Variants in PTPN5 observed in about 807,000 individuals in gnomAD.
PTPN5 encodes protein tyrosine phosphatase non-receptor type 5, also known as tyrosine-protein phosphatase non-receptor type 5.
In PTPN5, 29 loss-of-function variants were observed where a neutral mutation model predicts 73.9. The observed-to-expected ratio is 0.39, with a 90% CI of 0.29 to 0.54. The LOEUF is 0.54. Among genes scored for constraint, PTPN5 ranks in the 20% least tolerant of loss-of-function variants. The pLI, the probability that PTPN5 is intolerant of heterozygous loss-of-function variation, is 0.65. For missense variants in PTPN5, 652 were observed against 751.4 expected (o/e 0.87, Z 1.55); for synonymous variants, 267 against 304.7 (o/e 0.88, Z 1.29).
chr11:18,746,166 T>A (rs1241840365), intron 3 of PTPN5, among the ~76,000 whole-genome samples: 7 of 79,238 alleles, frequency 8.8e-5, no homozygotes, highest in East Asian at 3.0e-4. Flanking sequence ...AATATAAATA[T>A]ATATATATAT....
Position 18,737,899 on chromosome 11 carries a change from C to T in PTPN5, c.981G>A (p.Arg327=). The T allele has an allele frequency of 6.2e-7, 1 of 1,614,102 alleles. No homozygotes were observed. Among genetic ancestry groups the T allele is most frequent in the Non-Finnish European group, 8.5e-7 (1 of 1,179,976 alleles). The change falls in exon 9 of 15, where the codon CGG becomes CGA. Residue 327 remains arginine (R), a synonymous_variant. Transcript: ENST00000358540. ...ACTCACTGGGAAGTATGGTTTTGTACCGGTTCTTCCGCACCAGCCCAGGGA... is the reference window on the plus strand; with the variant it reads ...ACTCACTGGGAAGTATGGTTTTGTATCGGTTCTTCCGCACCAGCCCAGGGA... The part of the protein sequence containing the change: ...YDIPGLVRKN[R]YKTILPNPHS...
intron 12 of PTPN5, among the ~76,000 whole-genome samples, chr11:18,731,125 C>CATAT (rs112847667): frequency 1.6e-4 from 24 of 148,426 alleles, no homozygotes; most frequent in African/African-American, 5.2e-4. Context: ...TTCTTTTATA[C>CATAT]ATATATATAT....
chr11:18,732,656 A>C lies in PTPN5; in HGVS notation c.1265T>G (p.Val422Gly). The C allele has an allele frequency of 6.2e-7, 1 of 1,613,800 alleles. No individual in the cohort carries two copies. Among genetic ancestry groups the C allele is most frequent in the Non-Finnish European group, 8.5e-7 (1 of 1,179,986 alleles). The change falls in exon 12 of 15, where the codon GTT becomes GGT. Residue 422 changes from valine to glycine, a missense_variant. Transcript: ENST00000358540. Reference sequence around the variant, plus strand: ...AATGACTTTCTGCACAGTGATCTCAACACCGTCGTACGCCACCTGCTCCTC... The same window carrying C: ...AATGACTTTCTGCACAGTGATCTCACCACCGTCGTACGCCACCTGCTCCTC... The part of the protein sequence containing the change: ...WPEEQVAYDG[V>G]EITVQKVIHT...
Position 18,771,975 on chromosome 11 carries a change from T to C in PTPN5, c.-17A>G, listed in dbSNP as rs925194353. 13 of 1,563,802 alleles carry C rather than the reference T, an allele frequency of 8.3e-6. No individual in the cohort carries two copies. Among genetic ancestry groups the C allele is most frequent in the Middle Eastern group, 3.4e-4 (2 of 5,928 alleles). Reference sequence around the variant, plus strand: ...ATAATTCATTCCCAAGGTGTCTGGATGGGGAAGGGTGCCATCTTCCAGGGC... The same window carrying C: ...ATAATTCATTCCCAAGGTGTCTGGACGGGGAAGGGTGCCATCTTCCAGGGC... On this transcript the variant is annotated 5_prime_UTR_variant, in exon 2 of 15. Coordinates refer to ENST00000358540, the MANE Select transcript of PTPN5 (RefSeq NM_006906.2).
intron 3 of PTPN5, among the ~76,000 whole-genome samples, chr11:18,750,513 C>T (rs1400465994): frequency 6.6e-6 from 1 of 152,212 alleles, no homozygotes; most frequent in Non-Finnish European, 1.5e-5. Flanking sequence ...GGCCTGTCAA[C>T]TGTGTCCAAA....
chr11:18,757,200 G>A (rs1850195945), intron 3 of PTPN5, among the ~76,000 whole-genome samples: 1 of 152,132 alleles, frequency 6.6e-6, no homozygotes, highest in Admixed American at 6.5e-5. Flanking sequence ...CCCATCCATT[G>A]TCTCACTGAA....
chr11:18,732,527 G>T, intron 12 of PTPN5, 65 bp downstream of exon 12: 1 of 1,223,670 alleles, frequency 8.2e-7, no homozygotes. Flanking sequence ...CCTGTTCTCT[G>T]TGGAGCCCCC....
Position 18,733,137 on chromosome 11 carries a change from C to T in PTPN5, c.1218+98G>A, listed in dbSNP as rs1363772058. 1.5e-5 allele frequency: 23 copies of T among 1,517,202 alleles called. No individual in the cohort carries two copies. Among genetic ancestry groups the T allele is most frequent in the Admixed American group, 7.1e-5 (4 of 56,160 alleles). 94.0% of individuals were successfully genotyped at this position (1,517,202 alleles called of 1,614,324 possible). On this transcript the variant is annotated intron_variant, in intron 11 of 14. Transcript: ENST00000358540. The surrounding 1 kb of genome is among the most constrained non-coding windows in gnomAD (Gnocchi z 4.3). ...ATCTTGGCAGCGGAGTGAACACCGC[C>T]GACCTCTTGAGATTGTCATAAAGAT...
At chr11:18,774,651 T>G (rs1362011730) in intron 1 of PTPN5, among the ~76,000 whole-genome samples, 1 of 152,258 alleles carries the variant, frequency 6.6e-6, no homozygotes, top group Non-Finnish European at 1.5e-5. Flanking sequence ...TAGCAGGGGC[T>G]AGCTGCATAG....
rs538747373 is a variant in PTPN5 at position 18,780,729 on chromosome 11, T to C, written c.-113-8658A>G. On this transcript the variant is annotated intron_variant, in intron 1 of 14. Coordinates refer to ENST00000358540, the MANE Select transcript of PTPN5 (RefSeq NM_006906.2). ...CTCCCTGGCTCTCTTGTCCATAACT[T>C]TGGCTTCTGTAAACTTCCCAGGCTG... Among the ~76,000 whole-genome samples, 14 of 152,246 alleles carry C rather than the reference T, an allele frequency of 9.2e-5. No homozygotes were observed. In the East Asian group the frequency reaches 2.3e-3, roughly 25 times the overall value.
At chr11:18,776,271 C>T (rs1276067812) in intron 1 of PTPN5, among the ~76,000 whole-genome samples, 2 of 152,138 alleles carry the variant, frequency 1.3e-5, no homozygotes, top group East Asian at 3.9e-4. Context: ...TTAGGATGCA[C>T]TTTTTCCTCC....
In PTPN5 at chr11:18,744,169, A is replaced by G; in HGVS notation, c.128T>C (p.Leu43Pro). 6.3e-7 allele frequency: 1 copy of G among 1,587,138 alleles called. No individual in the cohort carries two copies. Among genetic ancestry groups the G allele is most frequent in the Non-Finnish European group, 8.6e-7 (1 of 1,169,204 alleles). Residue 43 changes from leucine (L) to proline (P), a missense_variant, in exon 4 of 15, where the codon CTG becomes CCG. Leu to Pro is a moderately conservative substitution (Grantham distance 98). Transcript: ENST00000358540. ...GLPQPIVMEA[L>P]DEAEGLQDSQ... ...GTCCTGGAGCCCTTCAGCCTCGTCCAGTGCCTCCATCACTATCGGCTGGGG... is the reference window on the plus strand; with the variant it reads ...GTCCTGGAGCCCTTCAGCCTCGTCCGGTGCCTCCATCACTATCGGCTGGGG...
At chr11:18,771,159 C>G (rs1475518009) in intron 2 of PTPN5, among the ~76,000 whole-genome samples, 1 of 152,116 alleles carries the variant, frequency 6.6e-6, no homozygotes, top group Non-Finnish European at 1.5e-5. Context: ...GACATGCCCT[C>G]TATCCTGGGC....
chr11:18,747,102 G>A (rs1307669094), intron 3 of PTPN5, among the ~76,000 whole-genome samples: 2 of 152,004 alleles, frequency 1.3e-5, no homozygotes, highest in Non-Finnish European at 2.9e-5. Context: ...AACCTCAGAG[G>A]AGAGGGAACA....
rs1028232853 is a variant in PTPN5 at position 18,729,385 on chromosome 11, G to A, written c.1604+68C>T. On this transcript the variant is annotated intron_variant, in intron 14 of 14. Coordinates refer to ENST00000358540, the MANE Select transcript of PTPN5 (RefSeq NM_006906.2). The surrounding 1 kb of genome is among the most constrained non-coding windows in gnomAD (Gnocchi z 5.2). The stretch of plus-strand genomic sequence containing the variant: ...CTCACCCCCCGCCCATGCACATGTG[G>A]GTCTCTCCCTCTACCCGCTCGGGGC... 1.8e-5 allele frequency: 14 copies of A among 780,558 alleles called. No individual in the cohort carries two copies. Among genetic ancestry groups the A allele is most frequent in the African/African-American group, 5.0e-5 (3 of 59,584 alleles). The allele number at this position is 780,558 out of a possible 1,614,324, so 48.4% of individuals were successfully genotyped here.
chr11:18,782,928 T>C lies in PTPN5; in HGVS notation c.-114+8597A>G, dbSNP rs545351408. 3.9e-5 allele frequency among the ~76,000 whole-genome samples: 6 copies of C among 152,342 alleles called. No homozygotes were observed. In the South Asian group the frequency reaches 1.2e-3, roughly 32 times the overall value. ...TGTTGAGAAATACGGCTGCAAGCTA[T>C]GGGGAGCCACAGAAGGATGGAAACA... On this transcript the variant is annotated intron_variant, in intron 1 of 14. Coordinates refer to ENST00000358540, the MANE Select transcript of PTPN5 (RefSeq NM_006906.2).
At chr11:18,741,105 CCGTTGGAGGAA>C (rs1849345073) in intron 7 of PTPN5, among the ~76,000 whole-genome samples, 1 of 152,164 alleles carries the variant, frequency 6.6e-6, no homozygotes, top group Non-Finnish European at 1.5e-5. Context: ...TCCTCCATCA[CCGTTGGAGGAA>C]GTTCTACCCT....
At chr11:18,783,757 C>A (rs769024898) in intron 1 of PTPN5, among the ~76,000 whole-genome samples, 3 of 152,212 alleles carry the variant, frequency 2.0e-5, no homozygotes, top group Non-Finnish European at 4.4e-5. Context: ...AAGCTCCTTG[C>A]GGGCAGGGTC....
At position 18,729,534 on chromosome 11, in the gene PTPN5, G is replaced by T; in HGVS notation, c.1523C>A (p.Ala508Asp). 6.3e-7 allele frequency: 1 copy of T among 1,599,488 alleles called. No individual in the cohort carries two copies. Among genetic ancestry groups the T allele is most frequent in the Non-Finnish European group, 8.5e-7 (1 of 1,175,334 alleles). The change falls in exon 14 of 15, where the codon GCC (alanine) becomes GAC (aspartate). Residue 508 changes from alanine to aspartate, a missense_variant. Ala to Asp is a moderately radical substitution (Grantham distance 126). Coordinates refer to ENST00000358540, the MANE Select transcript of PTPN5 (RefSeq NM_006906.2). This position sits in a 1 kb window ranked among gnomAD's most constrained non-coding sequence, Gnocchi z 5.2. ...CAGCTGCTGGCAGCAGATGCTGGTG[G>T]CAATGAAGCAGCCGGTCCTCCCAAT... Reference protein sequence around the residue: ...AGIGRTGCFIATSICCQQLRQ... With the variant: ...AGIGRTGCFIDTSICCQQLRQ...
Sources: allele counts gnomAD v4.1 joint callset (sites outside exome capture counted in the v4.1 genomes callset), GRCh38; gene constraint gnomAD v4.1.1; non-coding constraint Gnocchi (gnomAD v3.1); transcripts MANE v1.5; gene names NCBI Gene and HGNC (gene_info 2026-07-23, HGNC 2026-07-21).